PTPN3: variants seen among roughly 807,000 people sequenced by gnomAD.
PTPN3 encodes tyrosine-protein phosphatase non-receptor type 3.
Under a neutral mutation model 132.7 loss-of-function variants are expected in PTPN3, and 96 were observed. That is an observed-to-expected ratio of 0.72 (90% CI 0.61 to 0.86). PTPN3 has a LOEUF of 0.86. Among genes scored for constraint, PTPN3 ranks in the 40% least tolerant of loss-of-function variants. PTPN3 has a pLI of 0.00. For synonymous variants in PTPN3, 398 were observed against 429.0 expected, an observed-to-expected ratio of 0.93 and a Z score of 0.89; for missense variants, 1,125 against 1,159.6, an observed-to-expected ratio of 0.97 and a Z score of 0.43.
intron 1 of PTPN3, among the ~76,000 whole-genome samples, chr9:109,473,008 G>T (rs979120608): frequency 6.6e-6 from 1 of 152,100 alleles, no homozygotes; most frequent in African/African-American, 2.4e-5. Flanking sequence ...TGCCAGTGCT[G>T]GTGAACAAAA....
intron 19 of PTPN3, 124 bp downstream of exon 19, chr9:109,404,322 AAC>A: frequency 4.1e-6 from 3 of 728,660 alleles, no homozygotes; most frequent in Admixed American, 4.0e-5. Context: ...TGGTTTGTGA[AAC>A]ACACAATCAT....
At chr9:109,491,333 GA>G (rs532805330) in intron 1 of PTPN3, among the ~76,000 whole-genome samples, 255 of 152,222 alleles carry the variant, frequency 1.7e-3, no homozygotes, top group African/African-American at 5.9e-3. Context: ...TATGTAGGGG[GA>G]AAGGAGGCAT....
chr9:109,500,650 G>A (rs1462029852), upstream of PTPN3, among the ~76,000 whole-genome samples: 1 of 151,492 alleles, frequency 6.6e-6, no homozygotes, highest in South Asian at 2.1e-4. Context: ...CAGAAAACAG[G>A]TCGGGTGAGG....
At chr9:109,450,752 C>G (rs1482680418) in intron 5 of PTPN3, 2 of 985,344 alleles carry the variant, frequency 2.0e-6, no homozygotes, top group Non-Finnish European at 2.4e-6. Flanking sequence ...CAGGATAGTT[C>G]TTTAGAAGAG....
intron 14 of PTPN3, among the ~76,000 whole-genome samples, chr9:109,413,388 C>T (rs12339694): frequency 0.011 from 1,669 of 152,262 alleles, 30 homozygotes; most frequent in African/African-American, 0.035. Flanking sequence ...GTTCAGTGTG[C>T]AAGATGGACA....
At position 109,420,487 on chromosome 9, in the gene PTPN3, T is replaced by G. The variant is rs760662743; in HGVS notation, c.1250A>C (p.Lys417Thr). ...GCTGTCTTGAGGGGCCAGAGAGCCCTTGTACGTGTAAAATACATCTTCCGT... is the reference window on the plus strand; with the variant it reads ...GCTGTCTTGAGGGGCCAGAGAGCCCGTGTACGTGTAAAATACATCTTCCGT... ...TETEDVFYTY[K>T]GSLAPQDSDS... is the part of the protein sequence containing the mutation. Residue 417 changes from lysine (K) to threonine (T), a missense_variant, in exon 14 of 26, where the codon AAG (lysine) becomes ACG (threonine). Physicochemically the swap from Lys to Thr is moderately conservative, Grantham distance 78. Transcript: ENST00000374541. The G allele has an allele frequency of 1.9e-6, 3 of 1,613,678 alleles. No individual in the cohort carries two copies.
At chr9:109,485,151 C>T (rs1334880942) in intron 1 of PTPN3, among the ~76,000 whole-genome samples, 1 of 152,104 alleles carries the variant, frequency 6.6e-6, no homozygotes, top group Non-Finnish European at 1.5e-5. Flanking sequence ...ATCGCTTGAA[C>T]CTGGGAGATG....
the PTPN3 span, among the ~76,000 whole-genome samples, chr9:109,534,543 G>A: frequency 6.6e-6 from 1 of 151,700 alleles, no homozygotes; most frequent in Non-Finnish European, 1.5e-5. Flanking sequence ...TTGGGAGGCC[G>A]AGGCGGGCGA....
At chr9:109,480,544 C>T (rs184297710) in intron 1 of PTPN3, among the ~76,000 whole-genome samples, 29 of 152,246 alleles carry the variant, frequency 1.9e-4, no homozygotes, top group African/African-American at 5.8e-4. Context: ...TTCATGAAGT[C>T]CCAATTTATT....
At chr9:109,526,838 A>G in the PTPN3 span, among the ~76,000 whole-genome samples, 1 of 152,236 alleles carries the variant, frequency 6.6e-6, no homozygotes, top group South Asian at 2.1e-4. Context: ...AGGAAATAGA[A>G]TAGAGATTCC....
In PTPN3 at chr9:109,391,210, G is replaced by A. The variant is rs145395082; in HGVS notation, c.2045-11C>T. 1 of 1,609,706 alleles carries A rather than the reference G, an allele frequency of 6.2e-7. No individual in the cohort carries two copies. Among genetic ancestry groups the A allele is most frequent in the African/African-American group, 1.3e-5 (1 of 74,930 alleles). On this transcript the variant is annotated splice_polypyrimidine_tract_variant and intron_variant, in intron 20 of 25. Transcript: ENST00000374541. ...CCCGGGTGGTGTCATCTGCGGGGAAGAGAAAAATTTACCGATTATTCCGAG... is the reference window on the plus strand; with the variant it reads ...CCCGGGTGGTGTCATCTGCGGGGAAAAGAAAAATTTACCGATTATTCCGAG...
intron 14 of PTPN3, among the ~76,000 whole-genome samples, chr9:109,414,514 A>G (rs1283208650): frequency 1.3e-5 from 2 of 152,244 alleles, no homozygotes; most frequent in African/African-American, 2.4e-5. Context: ...CTTGAGTAAC[A>G]GAAAGAAGAC....
intron 19 of PTPN3, chr9:109,392,900 G>A (rs929108496): frequency 1.5e-4 from 23 of 152,130 alleles, no homozygotes; most frequent in African/African-American, 4.3e-4. Context: ...CACTGCACCC[G>A]GCTATATTGG....
chr9:109,395,026 G>A (rs2131659727), intron 19 of PTPN3, among the ~76,000 whole-genome samples: 1 of 152,128 alleles, frequency 6.6e-6, no homozygotes, highest in South Asian at 2.1e-4. Flanking sequence ...TGTAGTCCCA[G>A]CTACTCGGGA....
chr9:109,415,467 G>A (rs1406396612), intron 14 of PTPN3, among the ~76,000 whole-genome samples: 1 of 152,168 alleles, frequency 6.6e-6, no homozygotes, highest in African/African-American at 2.4e-5. Flanking sequence ...CACAGGTAAA[G>A]GCAGGAAATG....
the PTPN3 span, among the ~76,000 whole-genome samples, chr9:109,535,507 C>CTT: frequency 2.7e-5 from 4 of 149,758 alleles, no homozygotes; most frequent in Admixed American, 6.7e-5. Flanking sequence ...TACACATCCT[C>CTT]TTTTTTTTTT....
At chr9:109,421,807 G>C (rs1311719820) in intron 13 of PTPN3, among the ~76,000 whole-genome samples, 1 of 152,126 alleles carries the variant, frequency 6.6e-6, no homozygotes, top group East Asian at 1.9e-4. Flanking sequence ...GCCCAGCACA[G>C]CATCTCCTCT....
At chr9:109,477,764 C>T (rs1846754859) in intron 1 of PTPN3, among the ~76,000 whole-genome samples, 1 of 152,236 alleles carries the variant, frequency 6.6e-6, no homozygotes, top group African/African-American at 2.4e-5. Flanking sequence ...CCTTCCGGAC[C>T]TCAGTGAGGT....
At chr9:109,419,774 T>A (rs1006112596) in intron 14 of PTPN3, among the ~76,000 whole-genome samples, 1 of 152,030 alleles carries the variant, frequency 6.6e-6, no homozygotes, top group Admixed American at 6.6e-5. Context: ...GTTAAATATA[T>A]CCTATTGAAT....
Sources: allele counts gnomAD v4.1 joint callset (sites outside exome capture counted in the v4.1 genomes callset), GRCh38; gene constraint gnomAD v4.1.1; transcripts MANE v1.5; gene names NCBI Gene and HGNC (gene_info 2026-07-23, HGNC 2026-07-21).